The following PPDPFL variants were observed in gnomAD, a reference collection of about 807,000 sequenced individuals.
PPDPFL encodes the protein pancreatic progenitor cell differentiation and proliferation factor-like protein.
PPDPFL carries 12 observed loss-of-function variants against 12.6 expected under a neutral mutation model. That is an observed-to-expected ratio of 0.95 (90% confidence interval 0.61 to 1.54). The LOEUF (loss-of-function observed/expected upper bound fraction) is 1.54. Among genes scored for constraint, PPDPFL ranks in the 40% most tolerant of loss-of-function variants. The pLI, the probability that PPDPFL is intolerant of heterozygous loss-of-function variation, is 0.00. For missense variants in PPDPFL, 114 were observed against 96.0 expected (o/e 1.19, Z -0.78); for synonymous variants, 24 against 32.7 (o/e 0.73, Z 0.91).
chr8:49,068,406 T>G (rs921960788), upstream of PPDPFL, among the ~76,000 whole-genome samples: 1 of 152,130 alleles, frequency 6.6e-6, no homozygotes, highest in African/African-American at 2.4e-5. Context: ...GAAATGAACC[T>G]GCAAACTGAC....
In PPDPFL at chr8:49,074,073, TCA is replaced by T; in HGVS notation, c.71_72del (p.Ser24CysfsTer2). 6.2e-7 allele frequency: 1 copy of T among 1,611,452 alleles called. No individual in the cohort carries two copies. The highest frequency in any genetic ancestry group is 1.1e-5 in the South Asian group (1 of 90,962). On this transcript the variant is annotated frameshift_variant, in exon 3 of 5. Coordinates refer to ENST00000522267, the MANE Select transcript of PPDPFL (RefSeq NM_001256597.2). LOFTEE classifies it high-confidence loss of function. ...NQYYRKSSVS[S>X]VSSLTSSDSV... ...GTTTCCTACAGAGTCCAGTGTTTCT[TCA>T]GTTAGTTCTTTAACTAGCTCTGATT...
chr8:49,056,697 A>C (rs939816405), intron 1 of PPDPFL, among the ~76,000 whole-genome samples: 1 of 152,232 alleles, frequency 6.6e-6, no homozygotes, highest in Admixed American at 6.5e-5. Context: ...TGATAGAGCA[A>C]TATCCATAAA....
At chr8:49,062,287 A>C (rs564717268) in intron 1 of PPDPFL, among the ~76,000 whole-genome samples, 2 of 152,344 alleles carry the variant, frequency 1.3e-5, no homozygotes, top group Admixed American at 1.3e-4. Flanking sequence ...ACACCCTGGC[A>C]AGGGCACCAT....
At chr8:49,058,491 T>C (rs1808145839) in intron 1 of PPDPFL, among the ~76,000 whole-genome samples, 1 of 152,224 alleles carries the variant, frequency 6.6e-6, no homozygotes, top group African/African-American at 2.4e-5. Flanking sequence ...GCTGGAGATA[T>C]TTAATCAATC....
chr8:49,065,582 ATTAT>A (rs1051087149), intron 1 of PPDPFL, among the ~76,000 whole-genome samples: 139 of 152,322 alleles, frequency 9.1e-4, no homozygotes, highest in African/African-American at 3.3e-3. Context: ...GAATCAGGAA[ATTAT>A]TTAACTTAAT....
chr8:49,066,550 G>A lies in PPDPFL; in HGVS notation c.-44-6237G>A, dbSNP rs377406227. ...TATGGGTTGAAAAACAGGATTTATCGGGAAAGCATATGAGCCAGGGGTCAG... is the reference window on the plus strand; with the variant it reads ...TATGGGTTGAAAAACAGGATTTATCAGGAAAGCATATGAGCCAGGGGTCAG... On this transcript the variant is annotated intron_variant, in intron 1 of 4. Transcript: ENST00000517663. Among the ~76,000 whole-genome samples, 103 of 152,214 alleles carry A rather than the reference G, an allele frequency of 6.8e-4. 2 individuals carry two copies. The highest frequency in any genetic ancestry group is 5.2e-3 in the South Asian group (25 of 4,816).
chr8:49,075,066 C>A, intron 4 of PPDPFL, 86 bp from the exon 5 acceptor site: 1 of 1,544,078 alleles, frequency 6.5e-7, no homozygotes, highest in African/African-American at 1.4e-5. Flanking sequence ...TCTTGACACT[C>A]TTTATCAAGT....
chr8:49,057,928 T>C (rs1207580845), intron 1 of PPDPFL, among the ~76,000 whole-genome samples: 1 of 152,188 alleles, frequency 6.6e-6, no homozygotes, highest in East Asian at 1.9e-4. Flanking sequence ...AATTTAAAGC[T>C]TCCTATATAT....
chr8:49,075,417 G>C lies in PPDPFL; in HGVS notation c.*244G>C, dbSNP rs2129247021. ...AGCCACTGATATAAAAAAAGTTTAG[G>C]CATTTTTCTCAACACAAAGACTATC... On this transcript the variant is annotated 3_prime_UTR_variant, in exon 5 of 5. Transcript: ENST00000522267. The C allele has an allele frequency of 2.6e-6, 2 of 766,078 alleles. No individual in the cohort carries two copies. The highest frequency in any genetic ancestry group is 5.2e-5 in the East Asian group (2 of 38,486). The allele number at this position is 766,078 out of a possible 1,614,324, so 47.5% of individuals were successfully genotyped here. A position where few individuals can be genotyped will look rare whatever the true frequency, so the allele number is the denominator to read the frequency against.
In PPDPFL at chr8:49,066,090, G is replaced by A. The variant is rs1808295759; in HGVS notation, c.-44-6697G>A. ...CAAGTGGCTTGGTCTCTAAGGAGATGATCTTGAAGATAAACAACGCATTTC... is the reference window on the plus strand; with the variant it reads ...CAAGTGGCTTGGTCTCTAAGGAGATAATCTTGAAGATAAACAACGCATTTC... On this transcript the variant is annotated intron_variant, in intron 1 of 4. Transcript: ENST00000517663. Among the ~76,000 whole-genome samples, 4 of 152,238 alleles carry A rather than the reference G, an allele frequency of 2.6e-5. No individual in the cohort carries two copies. The South Asian group carries it at 8.3e-4, about 32-fold the overall frequency.
chr8:49,069,125 A>T (rs1444522511), upstream of PPDPFL, among the ~76,000 whole-genome samples: 1 of 152,248 alleles, frequency 6.6e-6, no homozygotes. Flanking sequence ...TGATAAAAGA[A>T]GACAAAGCAA....
Position 49,075,510 on chromosome 8 carries a change from T to G in PPDPFL, c.*337T>G. 1 of 560,962 alleles carries G rather than the reference T, an allele frequency of 1.8e-6. No individual in the cohort carries two copies. The highest frequency in any genetic ancestry group is 1.9e-5 in the African/African-American group (1 of 53,276). The allele number at this position is 560,962 out of a possible 1,614,324, so 34.7% of individuals were successfully genotyped here. A position where few individuals can be genotyped will look rare whatever the true frequency, so the allele number is the denominator to read the frequency against. On this transcript the variant is annotated 3_prime_UTR_variant, in exon 5 of 5. Transcript: ENST00000522267. ...TGCCTTTAGAAACAAGACACCCTTT[T>G]AAAGTAATATGTCTTCAAATGTTGT...
intron 2 of PPDPFL, among the ~76,000 whole-genome samples, chr8:49,073,538 G>A (rs545536371): frequency 6.6e-6 from 1 of 152,260 alleles, no homozygotes; most frequent in South Asian, 2.1e-4. Flanking sequence ...TTTTACAAAA[G>A]TTTACGCTCA....
intron 1 of PPDPFL, among the ~76,000 whole-genome samples, chr8:49,054,550 G>A (rs923045301): frequency 6.6e-6 from 1 of 152,054 alleles, no homozygotes; most frequent in African/African-American, 2.4e-5. Flanking sequence ...AATTTTGGGG[G>A]AGTCAAAGTT....
upstream of PPDPFL, among the ~76,000 whole-genome samples, chr8:49,071,067 T>G (rs1244210661): frequency 2.0e-5 from 3 of 152,222 alleles, 1 homozygote; most frequent in Admixed American, 2.0e-4. Flanking sequence ...ATCACTCTTC[T>G]GTTGTCTGTT....
chr8:49,075,037 G>A, intron 4 of PPDPFL, 115 bp from the exon 5 acceptor site: 1 of 1,475,152 alleles, frequency 6.8e-7, no homozygotes, highest in Non-Finnish European at 9.2e-7. Flanking sequence ...ATGCAAGATT[G>A]ATTGTTGGAA....
chr8:49,072,927 T>A (rs963094440), intron 2 of PPDPFL, 42 bp downstream of exon 2: 1 of 1,511,340 alleles, frequency 6.6e-7, no homozygotes, highest in African/African-American at 1.4e-5. Flanking sequence ...ATAATATGAT[T>A]TGAGGTGATG....
chr8:49,063,840 G>A (rs557696072), intron 1 of PPDPFL, among the ~76,000 whole-genome samples: 1 of 152,298 alleles, frequency 6.6e-6, no homozygotes, highest in East Asian at 1.9e-4. Context: ...CTGGATTGGG[G>A]GGAAGTCCGG....
Position 49,074,123 on chromosome 8 carries a change from C to G in PPDPFL, c.120C>G (p.Asp40Glu). ...SSDSVNFIDD[D>E]KPQQGLPEVA... The stretch of plus-strand genomic sequence containing the variant: ...ATTCTGTTAACTTCATAGATGACGA[C>G]AAACCACAGCAAGGTACTTAGTTAT... The change falls in exon 3 of 5, where the codon GAC (aspartate) becomes GAG (glutamate). Residue 40 changes from aspartate to glutamate, a missense_variant. By Grantham distance (45) the Asp-to-Glu change is conservative. Transcript: ENST00000522267. 1 of 1,612,054 alleles carries G rather than the reference C, an allele frequency of 6.2e-7. No individual in the cohort carries two copies. Among genetic ancestry groups the G allele is most frequent in the Non-Finnish European group, 8.5e-7 (1 of 1,178,170 alleles).
Sources: gnomAD v4.1 joint callset for allele counts (sites outside exome capture counted in the v4.1 genomes callset) on GRCh38, gnomAD v4.1.1 for gene constraint, MANE v1.5 for transcripts, NCBI Gene and HGNC (gene_info 2026-07-23, HGNC 2026-07-21) for gene names.